The following TBC1D32 variants were observed in gnomAD, a reference collection of about 807,000 sequenced individuals.
The protein encoded by TBC1D32 is protein broad-minded.
In TBC1D32, 151 loss-of-function variants were observed where a neutral mutation model predicts 170.3. The ratio of observed to expected loss-of-function variants is 0.89; its 90% CI spans 0.78 to 1.01. The LOEUF (loss-of-function observed/expected upper bound fraction) is 1.01, where lower values mean the gene tolerates loss of function less well. Ranked by LOEUF, TBC1D32 falls within the 50% of genes least tolerant of loss-of-function variation. The pLI is 0.00. For synonymous variants in TBC1D32, 498 were observed against 488.0 expected (o/e 1.02, Z -0.27); for missense variants, 1,464 against 1,457.1 (o/e 1.00, Z -0.08).
intron 24 of TBC1D32, among the ~76,000 whole-genome samples, chr6:121,139,622 T>C (rs1212568384): frequency 6.6e-6 from 1 of 152,188 alleles, no homozygotes; most frequent in African/African-American, 2.4e-5. Flanking sequence ...ATTAAGGATA[T>C]TGTTCTAGTG....
At chr6:121,272,771 A>C (rs1226075718) in intron 15 of TBC1D32, among the ~76,000 whole-genome samples, 1 of 152,230 alleles carries the variant, frequency 6.6e-6, no homozygotes, top group Non-Finnish European at 1.5e-5. Context: ...ATATACCCAA[A>C]GGATTATAAA....
intron 22 of TBC1D32, among the ~76,000 whole-genome samples, chr6:121,191,461 T>C (rs1262601860): frequency 6.6e-6 from 1 of 152,142 alleles, no homozygotes; most frequent in Non-Finnish European, 1.5e-5. Flanking sequence ...TCAATACACA[T>C]ACAACCATAT....
At chr6:121,263,143 T>A (rs1799984074) in intron 15 of TBC1D32, among the ~76,000 whole-genome samples, 1 of 151,686 alleles carries the variant, frequency 6.6e-6, no homozygotes, top group African/African-American at 2.4e-5. Flanking sequence ...GAAAATTGGA[T>A]AAAGAGTCAA....
chr6:121,216,828 TTTTA>T (rs1401337581), intron 21 of TBC1D32, among the ~76,000 whole-genome samples: 1 of 151,920 alleles, frequency 6.6e-6, no homozygotes, highest in Non-Finnish European at 1.5e-5. Flanking sequence ...TGATTGAGAG[TTTTA>T]TCTCCTGCAG....
chr6:121,303,571 T>C (rs1427206522), intron 9 of TBC1D32, 46 bp downstream of exon 9: 1 of 1,383,930 alleles, frequency 7.2e-7, no homozygotes, highest in Non-Finnish European at 9.7e-7. Flanking sequence ...ATTAAAATGA[T>C]ATAGCAATGC....
intron 12 of TBC1D32, among the ~76,000 whole-genome samples, chr6:121,286,685 C>T (rs1803899855): frequency 1.3e-5 from 2 of 151,998 alleles, no homozygotes; most frequent in African/African-American, 2.4e-5. Context: ...AGAGCAACTC[C>T]AAGACACATA....
chr6:121,149,085 G>T (rs565102713), intron 24 of TBC1D32, among the ~76,000 whole-genome samples: 1 of 152,074 alleles, frequency 6.6e-6, no homozygotes, highest in Admixed American at 6.5e-5. Context: ...CATATCCTTT[G>T]CTCACTGTTT....
At chr6:121,184,714 A>G (rs931640478) in intron 22 of TBC1D32, among the ~76,000 whole-genome samples, 16 of 151,828 alleles carry the variant, frequency 1.1e-4, no homozygotes, top group African/African-American at 3.6e-4. Context: ...GACAAGGTGC[A>G]ATACGAGATC....
In TBC1D32 at chr6:121,292,210, A is replaced by G; in HGVS notation, c.1232-17T>C. 2 of 1,571,028 alleles carry G rather than the reference A, an allele frequency of 1.3e-6. No individual in the cohort carries two copies. The highest frequency in any genetic ancestry group is 1.7e-6 in the Non-Finnish European group (2 of 1,155,330). On this transcript the variant is annotated splice_polypyrimidine_tract_variant and intron_variant, in intron 11 of 31. Coordinates refer to ENST00000398212, the MANE Select transcript of TBC1D32 (RefSeq NM_152730.6). ...GCTTGTTTCCTTAAAAGAGAAGCAAACACGAATATTTATTTAGTATCATTA... is the reference window on the plus strand; with the variant it reads ...GCTTGTTTCCTTAAAAGAGAAGCAAGCACGAATATTTATTTAGTATCATTA...
At chr6:121,114,953 T>C (rs938395993) in intron 27 of TBC1D32, among the ~76,000 whole-genome samples, 2 of 152,174 alleles carry the variant, frequency 1.3e-5, no homozygotes, top group African/African-American at 4.8e-5. Flanking sequence ...CACACTGTAA[T>C]TGGCCTCTGG....
intron 21 of TBC1D32, among the ~76,000 whole-genome samples, chr6:121,207,244 T>C (rs995710871): frequency 6.6e-6 from 1 of 152,124 alleles, no homozygotes; most frequent in African/African-American, 2.4e-5. Flanking sequence ...TCTAAAAGTA[T>C]TATAATAAAT....
chr6:121,324,826 T>C (rs1289177385), intron 1 of TBC1D32, among the ~76,000 whole-genome samples: 1 of 152,232 alleles, frequency 6.6e-6, no homozygotes, highest in Non-Finnish European at 1.5e-5. Flanking sequence ...CCTTTAAATA[T>C]GTCCTCAATT....
intron 3 of TBC1D32, among the ~76,000 whole-genome samples, chr6:121,314,196 G>C (rs1229320207): frequency 6.6e-6 from 1 of 152,144 alleles, no homozygotes; most frequent in African/African-American, 2.4e-5. Flanking sequence ...TTCAAAAACA[G>C]CAATCACATC....
intron 20 of TBC1D32, among the ~76,000 whole-genome samples, chr6:121,225,952 GTCA>G (rs1445262454): frequency 6.6e-6 from 1 of 152,022 alleles, no homozygotes; most frequent in Non-Finnish European, 1.5e-5. Flanking sequence ...ATAAATCTAT[GTCA>G]TCAATGTTTT....
At chr6:121,277,906 C>T (rs1802455336) in intron 15 of TBC1D32, among the ~76,000 whole-genome samples, 1 of 151,162 alleles carries the variant, frequency 6.6e-6, no homozygotes, top group East Asian at 1.9e-4. Flanking sequence ...ACACAAATTA[C>T]TAACATCAGA....
chr6:121,325,157 A>G (rs1226487121), intron 1 of TBC1D32, among the ~76,000 whole-genome samples: 5 of 150,724 alleles, frequency 3.3e-5, no homozygotes, highest in African/African-American at 1.2e-4. Flanking sequence ...AGTTGCAGTG[A>G]GCCGAGATTG....
chr6:121,107,526 G>T (rs944837019), intron 29 of TBC1D32, among the ~76,000 whole-genome samples: 7 of 151,622 alleles, frequency 4.6e-5, no homozygotes, highest in Non-Finnish European at 1.0e-4. Flanking sequence ...ACTTTATATC[G>T]ATATGTAGAA....
intron 30 of TBC1D32, among the ~76,000 whole-genome samples, chr6:121,091,501 A>G (rs1387062480): frequency 2.6e-5 from 4 of 152,206 alleles, no homozygotes; most frequent in Non-Finnish European, 5.9e-5. Flanking sequence ...GAATCAGAAA[A>G]CAATTTAAAC....
At chr6:121,126,246 G>C (rs1780832177) in intron 26 of TBC1D32, 132 bp downstream of exon 26, 2 of 579,526 alleles carry the variant, frequency 3.5e-6, no homozygotes, top group Admixed American at 3.3e-5. Context: ...ATGATATCTG[G>C]AATGTATATG....
Sources: allele counts gnomAD v4.1 joint callset (sites outside exome capture counted in the v4.1 genomes callset), GRCh38; gene constraint gnomAD v4.1.1; transcripts MANE v1.5; gene names NCBI Gene and HGNC (gene_info 2026-07-23, HGNC 2026-07-21).